Variants in FOXN3 observed in about 807,000 individuals in gnomAD.
FOXN3 encodes the protein forkhead box protein N3.
In FOXN3, 7 loss-of-function variants were observed where a neutral mutation model predicts 38.4. That is an observed-to-expected ratio of 0.18 (90% CI 0.10 to 0.34). The LOEUF (loss-of-function observed/expected upper bound fraction) is 0.34, where lower values mean the gene tolerates loss of function less well. Among genes scored for constraint, FOXN3 ranks in the 10% least tolerant of loss-of-function variants. The probability of loss-of-function intolerance (pLI) is 1.00; values close to 1 mark genes in which losing one functional copy is unlikely to be tolerated. For synonymous variants in FOXN3, 230 were observed against 242.2 expected (o/e 0.95, Z 0.47); for missense variants, 456 against 613.4 (o/e 0.74, Z 2.71).
chr14:89,445,465 C>T (rs1892473544), intron 1 of FOXN3, among the ~76,000 whole-genome samples: 1 of 152,174 alleles, frequency 6.6e-6, no homozygotes, highest in African/African-American at 2.4e-5. Flanking sequence ...GAGGCACTTC[C>T]TTAATTTAAT....
At chr14:89,536,984 A>C (rs1388933581) in intron 1 of FOXN3, among the ~76,000 whole-genome samples, 2 of 151,986 alleles carry the variant, frequency 1.3e-5, no homozygotes, top group Non-Finnish European at 2.9e-5. Context: ...TTCTCTCCTC[A>C]ACTCAACCCC....
chr14:89,337,160 T>A (rs1233318666), intron 3 of FOXN3, among the ~76,000 whole-genome samples: 1 of 152,166 alleles, frequency 6.6e-6, no homozygotes, highest in East Asian at 1.9e-4. Context: ...CACAGATTTG[T>A]GAGTTCTGCA....
chr14:89,239,555 A>G (rs549357661), intron 4 of FOXN3, among the ~76,000 whole-genome samples: 13 of 152,344 alleles, frequency 8.5e-5, no homozygotes, highest in African/African-American at 2.9e-4. Context: ...ACATAGGTGC[A>G]AAGAAGCTTT....
chr14:89,559,174 G>A (rs974204429), intron 1 of FOXN3, among the ~76,000 whole-genome samples: 1 of 148,600 alleles, frequency 6.7e-6, no homozygotes, highest in East Asian at 2.0e-4. Flanking sequence ...AGACCAGCCT[G>A]GGCAATATAG....
At chr14:89,264,250 G>T (rs917527381) in intron 4 of FOXN3, among the ~76,000 whole-genome samples, 5 of 152,072 alleles carry the variant, frequency 3.3e-5, no homozygotes, top group African/African-American at 1.2e-4. Context: ...GGTTTAATGG[G>T]CTCACAGTTC....
intron 2 of FOXN3, among the ~76,000 whole-genome samples, chr14:89,411,384 C>G (rs1403274878): frequency 1.3e-5 from 2 of 152,194 alleles, no homozygotes; most frequent in African/African-American, 2.4e-5. Flanking sequence ...GATTTCATGA[C>G]AGTCACCTGG....
At chr14:89,560,489 C>T (rs891122575) in intron 1 of FOXN3, among the ~76,000 whole-genome samples, 6 of 152,166 alleles carry the variant, frequency 3.9e-5, no homozygotes, top group African/African-American at 4.8e-5. Flanking sequence ...TCAGTGGTGA[C>T]GCAGAAGCTC....
intron 4 of FOXN3, among the ~76,000 whole-genome samples, chr14:89,220,828 A>T (rs971258755): frequency 1.3e-5 from 2 of 152,192 alleles, no homozygotes; most frequent in African/African-American, 4.8e-5. Flanking sequence ...ATCAGAAAGC[A>T]AAGATTAGCT....
In FOXN3 at chr14:89,548,537, TA is replaced by T. The variant is rs971794558; in HGVS notation, c.-15+70490del. Among the ~76,000 whole-genome samples, 1 of 152,224 alleles carries T rather than the reference TA, an allele frequency of 6.6e-6. No individual in the cohort carries two copies. Among genetic ancestry groups the T allele is most frequent in the African/African-American group, 2.4e-5 (1 of 41,458 alleles). ...CTTCTATTCTTAATTCCATTTAGCT[TA>T]GGCTATTAAGACTAATTTATGTTTC... On this transcript the variant is annotated intron_variant, in intron 1 of 6. Coordinates refer to the FOXN3 transcript ENST00000345097. The surrounding 1 kb of genome is among the most constrained non-coding windows in gnomAD (Gnocchi z 4.8).
chr14:89,563,636 G>A (rs956668498), intron 1 of FOXN3, among the ~76,000 whole-genome samples: 1 of 152,156 alleles, frequency 6.6e-6, no homozygotes, highest in African/African-American at 2.4e-5. Flanking sequence ...GCAGAAAGGG[G>A]AGGGGATGCC....
At chr14:89,491,741 A>G (rs1893580774) in intron 1 of FOXN3, among the ~76,000 whole-genome samples, 1 of 152,168 alleles carries the variant, frequency 6.6e-6, no homozygotes, top group African/African-American at 2.4e-5. Context: ...ATCCGTCTGT[A>G]CCTTCATGCT....
Position 89,162,358 on chromosome 14 carries a change from T to A in FOXN3, c.*56A>T. 1 of 1,397,200 alleles carries A rather than the reference T, an allele frequency of 7.2e-7. No homozygotes were observed. Among genetic ancestry groups the A allele is most frequent in the Non-Finnish European group, 9.6e-7 (1 of 1,044,010 alleles). 86.6% of individuals were successfully genotyped at this position (1,397,200 alleles called of 1,614,324 possible). Reference sequence around the variant, plus strand: ...ATATTGCCACAAATCATTAGAAATCTCCTGACATGCTGAAACCAAATGGTC... The same window carrying A: ...ATATTGCCACAAATCATTAGAAATCACCTGACATGCTGAAACCAAATGGTC... On this transcript the variant is annotated 3_prime_UTR_variant, in exon 6 of 6. Coordinates refer to ENST00000557258, the MANE Select transcript of FOXN3 (RefSeq NM_005197.4). The surrounding 1 kb of genome is among the most constrained non-coding windows in gnomAD (Gnocchi z 7.2).
intron 1 of FOXN3, among the ~76,000 whole-genome samples, chr14:89,507,158 C>A (rs1893959898): frequency 6.6e-6 from 1 of 151,854 alleles, no homozygotes; most frequent in Admixed American, 6.6e-5. Context: ...GAAACACTGT[C>A]CCTGAACCCA....
chr14:89,502,657 A>AT (rs1453912831), intron 1 of FOXN3, among the ~76,000 whole-genome samples: 2 of 152,166 alleles, frequency 1.3e-5, no homozygotes, highest in Non-Finnish European at 2.9e-5. Flanking sequence ...GGTGACTTAG[A>AT]TTTGAAGATG....
chr14:89,256,293 A>G (rs1393588948), intron 4 of FOXN3, among the ~76,000 whole-genome samples: 1 of 152,168 alleles, frequency 6.6e-6, no homozygotes, highest in Non-Finnish European at 1.5e-5. Context: ...ATCATCAATC[A>G]ATCAATCAAT....
intron 2 of FOXN3, among the ~76,000 whole-genome samples, chr14:89,371,830 A>G (rs1890326292): frequency 6.6e-6 from 1 of 152,074 alleles, no homozygotes; most frequent in Non-Finnish European, 1.5e-5. Context: ...ATCAAAGACC[A>G]TGACCCCCAC....
At chr14:89,352,586 G>C (rs1889023016) in intron 2 of FOXN3, among the ~76,000 whole-genome samples, 3 of 152,144 alleles carry the variant, frequency 2.0e-5, no homozygotes, top group Admixed American at 1.3e-4. Context: ...CTGATCCCTT[G>C]CACCCAAGGC....
chr14:89,333,763 A>AC (rs1200180530), intron 3 of FOXN3, among the ~76,000 whole-genome samples: 25,818 of 147,388 alleles, frequency 0.18, 2,985 homozygotes, highest in South Asian at 0.29. Context: ...AAAAAAAAAA[A>AC]AAAAAAAAAA....
intron 1 of FOXN3, among the ~76,000 whole-genome samples, chr14:89,571,113 T>G (rs1817680970): frequency 6.6e-6 from 1 of 152,210 alleles, no homozygotes; most frequent in Non-Finnish European, 1.5e-5. Flanking sequence ...ACTTTGAACC[T>G]AATTCTAATC....
Sources: allele counts gnomAD v4.1 joint callset (sites outside exome capture counted in the v4.1 genomes callset), GRCh38; gene constraint gnomAD v4.1.1; non-coding constraint Gnocchi (gnomAD v3.1); transcripts MANE v1.5; gene names NCBI Gene and HGNC (gene_info 2026-07-23, HGNC 2026-07-21).